Variants in UNC79 observed in about 807,000 individuals in gnomAD.
UNC79 encodes the protein protein unc-79 homolog.
In UNC79, 37 loss-of-function variants were observed where a neutral mutation model predicts 283.1. The ratio of observed to expected loss-of-function variants is 0.13; its 90% confidence interval spans 0.10 to 0.17. The LOEUF (loss-of-function observed/expected upper bound fraction) is 0.17, where lower values mean the gene tolerates loss of function less well. UNC79 is among the 10% of genes least tolerant of loss of function. UNC79 has a pLI of 1.00. For missense variants in UNC79, 2,272 were observed against 3,211.1 expected, an observed-to-expected ratio of 0.71 and a Z score of 7.07; for synonymous variants, 1,107 against 1,200.2, an observed-to-expected ratio of 0.92 and a Z score of 1.61.
chr14:93,698,317 G>A lies in UNC79; in HGVS notation c.7548+3905G>A, dbSNP rs189575401. On this transcript the variant is annotated intron_variant, in intron 47 of 48. Transcript: ENST00000555664. ...ACTTATTCTATCAATTATTGAGAAA[G>A]GGGTATTGAAATATCTCTGAATGTG... 3.7e-3 allele frequency among the ~76,000 whole-genome samples: 561 copies of A among 152,102 alleles called. 1 individual carries two copies. The highest frequency in any genetic ancestry group is 8.3e-3 in the Admixed American group (127 of 15,292).
At chr14:93,682,561 T>C (rs2073930956) in intron 41 of UNC79, 56 bp from the exon 45 acceptor site, 1 of 1,418,032 alleles carries the variant, frequency 7.1e-7, no homozygotes, top group Non-Finnish European at 9.8e-7. Flanking sequence ...AATGATAAAT[T>C]ACTTATTAAT....
At chr14:93,684,909 G>A (rs1462435114) in intron 42 of UNC79, among the ~76,000 whole-genome samples, 1 of 152,124 alleles carries the variant, frequency 6.6e-6, no homozygotes, top group East Asian at 1.9e-4. Context: ...AATAAATGTA[G>A]CTCTTCTGAA....
At chr14:93,653,765 C>T (rs752940118) in exon 36 of UNC79, 16 of 1,611,494 alleles carry the variant, frequency 9.9e-6, no homozygotes, top group Admixed American at 3.3e-5. Flanking sequence ...GGCAATGCGG[C>T]GGGGGTGGCC....
At chr14:93,627,429 T>C (rs139702462) in intron 30 of UNC79, among the ~76,000 whole-genome samples, 1 of 152,300 alleles carries the variant, frequency 6.6e-6, no homozygotes, top group East Asian at 1.9e-4. Flanking sequence ...ACAACAAGTA[T>C]TTATTTAGTT....
chr14:93,363,431 A>G (rs2054264869), intron 1 of UNC79, among the ~76,000 whole-genome samples: 1 of 152,196 alleles, frequency 6.6e-6, no homozygotes, highest in African/African-American at 2.4e-5. Flanking sequence ...GGAAGAATGC[A>G]TATACTGTTG....
intron 1 of UNC79, among the ~76,000 whole-genome samples, chr14:93,399,246 G>A (rs1000960488): frequency 2.0e-5 from 3 of 152,084 alleles, no homozygotes; most frequent in African/African-American, 4.8e-5. Context: ...CCCTCAACCC[G>A]TGGGGATTAC....
chr14:93,615,443 G>C (rs1016641717), intron 27 of UNC79, among the ~76,000 whole-genome samples: 7 of 151,956 alleles, frequency 4.6e-5, no homozygotes, highest in Admixed American at 4.6e-4. Flanking sequence ...TAAAATCAAG[G>C]CTGGGCATGG....
At chr14:93,701,221 C>G (rs1448090921) in intron 47 of UNC79, among the ~76,000 whole-genome samples, 1 of 152,206 alleles carries the variant, frequency 6.6e-6, no homozygotes, top group African/African-American at 2.4e-5. Context: ...CCTCAGTGAT[C>G]TCTGTCCTGC....
At chr14:93,424,035 A>C (rs1344365960) in intron 1 of UNC79, among the ~76,000 whole-genome samples, 1 of 152,194 alleles carries the variant, frequency 6.6e-6, no homozygotes, top group Non-Finnish European at 1.5e-5. Context: ...CTAATAATCC[A>C]ATTCAAAAGT....
At chr14:93,479,993 T>G (rs2058043411) in intron 4 of UNC79, among the ~76,000 whole-genome samples, 1 of 152,234 alleles carries the variant, frequency 6.6e-6, no homozygotes, top group Non-Finnish European at 1.5e-5. Flanking sequence ...AAGTTAATAA[T>G]TATGGGAGAG....
At chr14:93,513,619 T>C (rs2059930051) in intron 7 of UNC79, among the ~76,000 whole-genome samples, 1 of 152,194 alleles carries the variant, frequency 6.6e-6, no homozygotes, top group Admixed American at 6.5e-5. Flanking sequence ...AGTCATGGTA[T>C]TTGGGGTGTC....
At chr14:93,582,117 T>G in intron 19 of UNC79, 86 bp from the exon 20 acceptor site, 2 of 1,601,698 alleles carry the variant, frequency 1.2e-6, no homozygotes, top group Non-Finnish European at 1.7e-6. Flanking sequence ...ACAGCAGGTG[T>G]GCAGTCCAGC....
intron 1 of UNC79, among the ~76,000 whole-genome samples, chr14:93,458,551 T>TG (rs1027285527): frequency 6.6e-6 from 1 of 152,058 alleles, no homozygotes; most frequent in African/African-American, 2.4e-5. Flanking sequence ...TATAAAATTT[T>TG]GGGGGGCTCC....
rs540862636 is a variant in UNC79, at chr14:93,371,904, T to G, written c.-351+38381T>G. On this transcript the variant is annotated intron_variant, in intron 1 of 49. Coordinates refer to the UNC79 transcript ENST00000256339. ...CCGTGCAAACAAGATGATAGTGGAG[T>G]GAAATATTTAAAGTATGGAGAGAAA... is the stretch of plus-strand genomic sequence containing the variant. Among the ~76,000 whole-genome samples, 41 of 148,852 alleles carry G rather than the reference T, an allele frequency of 2.8e-4. No individual in the cohort carries two copies. In the South Asian group the frequency reaches 3.0e-3, roughly 11 times the overall value.
At chr14:93,414,382 C>G (rs1275834461) in intron 1 of UNC79, among the ~76,000 whole-genome samples, 2 of 151,906 alleles carry the variant, frequency 1.3e-5, no homozygotes, top group Non-Finnish European at 2.9e-5. Flanking sequence ...TTCCATTGAT[C>G]TATATTTCTG....
In UNC79 at chr14:93,614,893, G is replaced by A. The variant is rs74435386; in HGVS notation, c.4041+1810G>A. On this transcript the variant is annotated intron_variant, in intron 27 of 48. Transcript: ENST00000555664. ...TAATAAGCATCTTTGTATACACACC[G>A]TATCAGCCAATGTGAGAATTCCTTA... Among the ~76,000 whole-genome samples, 213 of 152,206 alleles carry A rather than the reference G, an allele frequency of 1.4e-3. 7 individuals carry two copies. The East Asian group carries it at 0.032, about 23-fold the overall frequency.
chr14:93,698,758 T>A (rs2141022904), intron 47 of UNC79, among the ~76,000 whole-genome samples: 1 of 152,298 alleles, frequency 6.6e-6, no homozygotes, highest in Middle Eastern at 3.4e-3. Flanking sequence ...AGTGCTGGGA[T>A]GACAGACATA....
rs1555394962 is a variant in UNC79 at position 93,660,563 on chromosome 14, ATGTGTG to A, written c.6525+1314_6525+1319del. Among the ~76,000 whole-genome samples, 530 of 64,426 alleles carry A rather than the reference ATGTGTG, an allele frequency of 8.2e-3. 13 individuals are homozygous for A. Among genetic ancestry groups the A allele is most frequent in the African/African-American group, 0.028 (428 of 15,400 alleles). The allele number at this position is 64,426 out of a possible 152,430, so 42.3% of individuals were successfully genotyped here. A position where few individuals can be genotyped will look rare whatever the true frequency, so the allele number is the denominator to read the frequency against. On this transcript the variant is annotated intron_variant, in intron 39 of 48. Coordinates refer to ENST00000555664, the Ensembl canonical transcript of UNC79. ...TATATATATATATATATATATATAT[ATGTGTG>A]TGTGTGTGTGTTCATTTTATTTTAT...
intron 1 of UNC79, among the ~76,000 whole-genome samples, chr14:93,439,746 A>G (rs189722964): frequency 8.6e-5 from 13 of 150,938 alleles, no homozygotes; most frequent in African/African-American, 3.2e-4. Flanking sequence ...TTGTAGTGGA[A>G]CTCTTTAACT....
Sources: allele counts gnomAD v4.1 joint callset (sites outside exome capture counted in the v4.1 genomes callset), GRCh38; gene constraint gnomAD v4.1.1; transcripts MANE v1.5; gene names NCBI Gene and HGNC (gene_info 2026-07-23, HGNC 2026-07-21).